KIF26B: variants seen among roughly 807,000 people sequenced by gnomAD.
The protein encoded by KIF26B is kinesin-like protein KIF26B.
A neutral mutation model predicts 151.2 loss-of-function variants in KIF26B; 63 were observed. The ratio of observed to expected loss-of-function variants is 0.42; its 90% CI spans 0.34 to 0.51. KIF26B has a LOEUF of 0.51. KIF26B is among the 20% of genes least tolerant of loss of function. The probability of loss-of-function intolerance (pLI) is 0.07; values close to 1 mark genes in which losing one functional copy is unlikely to be tolerated. For missense variants in KIF26B, 2,813 were observed against 2,913.6 expected (o/e 0.97, Z 0.79); for synonymous variants, 1,357 against 1,262.1 (o/e 1.08, Z -1.59).
intron 2 of KIF26B, among the ~76,000 whole-genome samples, chr1:245,334,766 A>G (rs1672187733): frequency 2.6e-5 from 4 of 152,120 alleles, no homozygotes. Flanking sequence ...TGTTCTGAGC[A>G]TTTTCTCTAT....
intron 5 of KIF26B, among the ~76,000 whole-genome samples, chr1:245,562,378 G>A (rs2042965110): frequency 6.6e-6 from 1 of 152,084 alleles, no homozygotes; most frequent in South Asian, 2.1e-4. Context: ...TTGCTTAAAA[G>A]GGGTCTTCAG....
chr1:245,459,047 A>G (rs1355500446), intron 4 of KIF26B, among the ~76,000 whole-genome samples: 1 of 152,196 alleles, frequency 6.6e-6, no homozygotes, highest in Admixed American at 6.5e-5. Flanking sequence ...CAGGCTTACC[A>G]AAGGACTTAC....
At position 245,688,204 on chromosome 1, in the gene KIF26B, G is replaced by A. The variant is rs2147957891; in HGVS notation, c.5221G>A (p.Ala1741Thr). Residue 1741 changes from alanine to threonine, a missense_variant, in exon 12 of 15, where the codon GCC (alanine) becomes ACC (threonine). This residue lies in a region of KIF26B where 2,060 missense variants were observed against 2,088.6 expected (regional missense o/e 0.99). Coordinates refer to ENST00000407071, the MANE Select transcript of KIF26B (RefSeq NM_018012.4). ...CTCCGCCGTGAGCAGACTCCTCCTGGCCAGCCCCAGAGCGCGCGGCCCGTC... is the reference window on the plus strand; with the variant it reads ...CTCCGCCGTGAGCAGACTCCTCCTGACCAGCCCCAGAGCGCGCGGCCCGTC... ...KISAVSRLLL[A>T]SPRARGPSAS... 2 of 1,594,174 alleles carry A rather than the reference G, an allele frequency of 1.3e-6. No individual in the cohort carries two copies. The highest frequency in any genetic ancestry group is 8.5e-7 in the Non-Finnish European group (1 of 1,176,144).
intron 9 of KIF26B, 147 bp downstream of exon 9, chr1:245,612,123 A>G (rs912438012): frequency 6.7e-5 from 53 of 788,412 alleles, no homozygotes; most frequent in Non-Finnish European, 9.5e-5. Context: ...AGAGAGAGAG[A>G]GAGAGAGACA....
chr1:245,344,385 C>T (rs1297123000), intron 2 of KIF26B, among the ~76,000 whole-genome samples: 1 of 150,978 alleles, frequency 6.6e-6, no homozygotes, highest in African/African-American at 2.4e-5. Flanking sequence ...GTCCCAGCTG[C>T]TCGGGAGGCT....
At chr1:245,405,445 T>G (rs1674112818) in intron 3 of KIF26B, among the ~76,000 whole-genome samples, 1 of 152,206 alleles carries the variant, frequency 6.6e-6, no homozygotes, top group Non-Finnish European at 1.5e-5. Flanking sequence ...ATATTCCTTA[T>G]GGCAAATCTG....
At chr1:245,197,622 G>T (rs983426611) in intron 2 of KIF26B, among the ~76,000 whole-genome samples, 2 of 152,040 alleles carry the variant, frequency 1.3e-5, no homozygotes, top group African/African-American at 4.8e-5. Context: ...TATTTTTGAG[G>T]ATTTATTTTT....
chr1:245,444,969 A>G (rs1389012138), intron 4 of KIF26B, among the ~76,000 whole-genome samples: 10 of 152,238 alleles, frequency 6.6e-5, no homozygotes, highest in South Asian at 6.2e-4. Context: ...TCCATTTTAA[A>G]GAAATGTCAA....
chr1:245,161,018 A>G (rs1189243873), intron 2 of KIF26B, among the ~76,000 whole-genome samples: 1 of 152,242 alleles, frequency 6.6e-6, no homozygotes, highest in African/African-American at 2.4e-5. Context: ...CATTTCGAGT[A>G]CTTATTAATT....
intron 9 of KIF26B, among the ~76,000 whole-genome samples, chr1:245,634,614 G>A (rs943656492): frequency 6.6e-5 from 10 of 152,048 alleles, no homozygotes; most frequent in African/African-American, 1.9e-4. Context: ...TGTTAATATG[G>A]TAAATTATAT....
intron 2 of KIF26B, among the ~76,000 whole-genome samples, chr1:245,234,024 A>AGCT (rs1670052426): frequency 6.6e-6 from 1 of 152,020 alleles, no homozygotes; most frequent in Non-Finnish European, 1.5e-5. Context: ...TCTCTACTAA[A>AGCT]AATACAAAAA....
At chr1:245,487,407 C>T (rs933711376) in intron 4 of KIF26B, among the ~76,000 whole-genome samples, 2 of 151,816 alleles carry the variant, frequency 1.3e-5, no homozygotes, top group African/African-American at 4.8e-5. Context: ...CAACCAAGCA[C>T]AGGGCCTACG....
At chr1:245,659,863 A>C (rs1304003820) in intron 10 of KIF26B, among the ~76,000 whole-genome samples, 1 of 150,906 alleles carries the variant, frequency 6.6e-6, no homozygotes, top group Non-Finnish European at 1.5e-5. Context: ...ACATGGCAAA[A>C]CCCAATATCT....
At chr1:245,635,098 G>GTTTT (rs55861540) in intron 9 of KIF26B, among the ~76,000 whole-genome samples, 9 of 133,072 alleles carry the variant, frequency 6.8e-5, no homozygotes, top group African/African-American at 2.6e-4. Context: ...AGGTTTTTGT[G>GTTTT]TTTTTTTTTT....
chr1:245,514,412 C>A (rs915745193), intron 4 of KIF26B, among the ~76,000 whole-genome samples: 1 of 151,962 alleles, frequency 6.6e-6, no homozygotes, highest in Non-Finnish European at 1.5e-5. Context: ...GTCTGTAGTC[C>A]CAGCTACTCA....
chr1:245,464,416 T>G (rs199650422), intron 4 of KIF26B, among the ~76,000 whole-genome samples: 97 of 135,234 alleles, frequency 7.2e-4, no homozygotes, highest in African/African-American at 2.6e-3. Flanking sequence ...TATGTGGGGG[T>G]GTGTGTGGGT....
chr1:245,489,710 A>G (rs185394578), intron 4 of KIF26B, among the ~76,000 whole-genome samples: 1 of 152,348 alleles, frequency 6.6e-6, no homozygotes, highest in East Asian at 1.9e-4. Flanking sequence ...TGCTGGGTAG[A>G]AGGCGTCATG....
intron 5 of KIF26B, among the ~76,000 whole-genome samples, chr1:245,586,746 C>T (rs1357584706): frequency 4.0e-5 from 6 of 151,426 alleles, no homozygotes; most frequent in South Asian, 2.1e-4. Context: ...ATTAGCCGGG[C>T]GCGGTGGCGG....
At chr1:245,498,934 T>A (rs572250300) in intron 4 of KIF26B, among the ~76,000 whole-genome samples, 1 of 152,154 alleles carries the variant, frequency 6.6e-6, no homozygotes, top group African/African-American at 2.4e-5. Flanking sequence ...AATGGGAAGT[T>A]TTTTTGTGCA....
Sources: allele counts gnomAD v4.1 joint callset (sites outside exome capture counted in the v4.1 genomes callset), GRCh38; gene constraint gnomAD v4.1.1; regional missense constraint gnomAD v4.1.1; transcripts MANE v1.5; gene names NCBI Gene and HGNC (gene_info 2026-07-23, HGNC 2026-07-21).